Variants in ATP9A observed in about 807,000 individuals in gnomAD.
ATP9A encodes the protein ATPase phospholipid transporting 9A.
In ATP9A, 52 loss-of-function variants were observed where a neutral mutation model predicts 144.1. The ratio of observed to expected loss-of-function variants is 0.36; its 90% CI spans 0.29 to 0.45. The LOEUF (loss-of-function observed/expected upper bound fraction) is 0.45, where lower values mean the gene tolerates loss of function less well. Among genes scored for constraint, ATP9A ranks in the 20% least tolerant of loss-of-function variants. The pLI, the probability that ATP9A is intolerant of heterozygous loss-of-function variation, is 1.00. For missense variants in ATP9A, 947 were observed against 1,392.7 expected (o/e 0.68, Z 5.09); for synonymous variants, 582 against 557.4 (o/e 1.04, Z -0.62).
At chr20:51,668,111 T>G (rs1432925237) in intron 13 of ATP9A, among the ~76,000 whole-genome samples, 9 of 1,344 alleles carry the variant, frequency 6.7e-3, no homozygotes, top group Admixed American at 0.013. Context: ...GCGGAAGGGC[T>G]GGGAGTGGGC....
At chr20:51,628,123 G>A (rs544389759) in intron 16 of ATP9A, among the ~76,000 whole-genome samples, 3 of 152,258 alleles carry the variant, frequency 2.0e-5, no homozygotes, top group East Asian at 1.9e-4. Context: ...CGTTTTACAC[G>A]CAAAGTGCAA....
In ATP9A at chr20:51,658,332, T is replaced by C. The variant is rs575631662; in HGVS notation, c.1294-1182A>G. Among the ~76,000 whole-genome samples the C allele has an allele frequency of 2.6e-5, 4 of 152,106 alleles. No individual in the cohort carries two copies. The East Asian group carries it at 7.8e-4, about 30-fold the overall frequency. On this transcript the variant is annotated intron_variant, in intron 13 of 27. Coordinates refer to ENST00000338821, the MANE Select transcript of ATP9A (RefSeq NM_006045.3). ...AAATTAGCTGGGTGTGGTGGCACTG[T>C]AATCCCAGCTACTCGGGAGGCTGAG... is the stretch of plus-strand genomic sequence containing the variant.
At chr20:51,724,121 A>T (rs1161684876) in intron 3 of ATP9A, among the ~76,000 whole-genome samples, 1 of 152,058 alleles carries the variant, frequency 6.6e-6, no homozygotes, top group East Asian at 1.9e-4. Context: ...TGGTGAGCTG[A>T]AATTGCGCCA....
rs545524552 is a variant in ATP9A, at chr20:51,610,558, G to C, written c.2572-393C>G. Reference sequence around the variant, plus strand: ...TGTACATGAGCACAGCTGATCTCCAGAGCAGCCCACAGGATCAAGCCCTAC... The same window carrying C: ...TGTACATGAGCACAGCTGATCTCCACAGCAGCCCACAGGATCAAGCCCTAC... On this transcript the variant is annotated intron_variant, in intron 23 of 27. Transcript: ENST00000338821. 5.3e-5 allele frequency among the ~76,000 whole-genome samples: 8 copies of C among 152,260 alleles called. No individual in the cohort carries two copies. The East Asian group carries it at 1.5e-3, about 29-fold the overall frequency.
At chr20:51,745,440 G>GA (rs2077804072) in intron 1 of ATP9A, among the ~76,000 whole-genome samples, 1 of 150,282 alleles carries the variant, frequency 6.7e-6, no homozygotes, top group Non-Finnish European at 1.5e-5. Flanking sequence ...AAAAAAAAAG[G>GA]AAAAAAATTA....
chr20:51,737,592 T>C (rs1379616255), intron 1 of ATP9A, among the ~76,000 whole-genome samples: 1 of 152,172 alleles, frequency 6.6e-6, no homozygotes, highest in Admixed American at 6.5e-5. Flanking sequence ...CTACTCACAG[T>C]ATTATTGCTG....
At chr20:51,689,751 T>C (rs1282205628) in intron 8 of ATP9A, among the ~76,000 whole-genome samples, 2 of 151,666 alleles carry the variant, frequency 1.3e-5, no homozygotes, top group African/African-American at 4.8e-5. Context: ...CAAATTAAAT[T>C]TCTCTTCTGA....
chr20:51,618,978 C>G lies in ATP9A; in HGVS notation c.2181G>C (p.Leu727=). 6.2e-7 allele frequency: 1 copy of G among 1,614,170 alleles called. No individual in the cohort carries two copies. Among genetic ancestry groups the G allele is most frequent in the Non-Finnish European group, 8.5e-7 (1 of 1,180,026 alleles). ...NAFRRKHDCA[L]VISGDSLEVC... The stretch of plus-strand genomic sequence containing the variant: ...CCTCCAGGGAGTCTCCCGAGATGAC[C>G]AGGGCACAATCATGCTTCCTGCGGA... Residue 727 remains leucine, a synonymous_variant, in exon 20 of 28, where the codon CTG becomes CTC. Transcript: ENST00000338821.
intron 23 of ATP9A, among the ~76,000 whole-genome samples, chr20:51,612,854 A>C (rs1346077508): frequency 6.6e-6 from 1 of 152,222 alleles, no homozygotes; most frequent in Non-Finnish European, 1.5e-5. Context: ...CATAATAATT[A>C]AACTCAGTTC....
Position 51,638,109 on chromosome 20 carries a change from A to ATATATC in ATP9A, c.1668+1233_1668+1234insGATATA, listed in dbSNP as rs1568797109. ...TATATATATATATATATATATATAT[A>ATATATC]TATATATATATATATCTCATAGTTC... On this transcript the variant is annotated intron_variant, in intron 15 of 27. Coordinates refer to ENST00000338821, the MANE Select transcript of ATP9A (RefSeq NM_006045.3). 1.4e-4 allele frequency among the ~76,000 whole-genome samples: 12 copies of ATATATC among 84,320 alleles called. 1 individual carries two copies. Among genetic ancestry groups the ATATATC allele is most frequent in the Middle Eastern group, 0.012 (2 of 168 alleles). The allele number at this position is 84,320 out of a possible 152,430, so 55.3% of individuals were successfully genotyped here. A position where few individuals can be genotyped will look rare whatever the true frequency, so the allele number is the denominator to read the frequency against.
intron 9 of ATP9A, among the ~76,000 whole-genome samples, chr20:51,681,004 G>T (rs2077497647): frequency 6.6e-6 from 1 of 152,072 alleles, no homozygotes; most frequent in South Asian, 2.1e-4. Flanking sequence ...AAGTGAAAAT[G>T]TATCTTTAAC....
intron 13 of ATP9A, among the ~76,000 whole-genome samples, chr20:51,662,594 A>AC (rs1555834247): frequency 2.7e-5 from 4 of 146,774 alleles, no homozygotes; most frequent in African/African-American, 1.0e-4. Context: ...TGCTTTATTT[A>AC]TTTTTTTTTT....
At chr20:51,768,112 A>G (rs944917055) in intron 1 of ATP9A, among the ~76,000 whole-genome samples, 190 bp downstream of exon 1, 9 of 152,002 alleles carry the variant, frequency 5.9e-5, no homozygotes, top group Non-Finnish European at 1.2e-4. Context: ...AAGGGCCGGC[A>G]TCAGGCTAGG....
At chr20:51,728,504 T>C (rs1323497521) in intron 2 of ATP9A, among the ~76,000 whole-genome samples, 1 of 151,828 alleles carries the variant, frequency 6.6e-6, no homozygotes, top group African/African-American at 2.4e-5. Flanking sequence ...GGCGGGTGCC[T>C]GTGATCCTAG....
intron 26 of ATP9A, among the ~76,000 whole-genome samples, chr20:51,606,826 C>T (rs919191235): frequency 2.6e-5 from 4 of 152,024 alleles, no homozygotes; most frequent in South Asian, 4.2e-4. Flanking sequence ...TACGGCGAGC[C>T]GTGATTGCTC....
chr20:51,745,622 C>T (rs923491743), intron 1 of ATP9A, among the ~76,000 whole-genome samples: 12 of 152,050 alleles, frequency 7.9e-5, no homozygotes, highest in African/African-American at 2.9e-4. Context: ...GCTAAACATC[C>T]TACAATGCCC....
Position 51,739,066 on chromosome 20 carries a change from G to T in ATP9A, c.69-9088C>A, listed in dbSNP as rs62226752. 9.7e-3 allele frequency among the ~76,000 whole-genome samples: 1,484 copies of T among 152,248 alleles called. 10 individuals carry two copies. The highest frequency in any genetic ancestry group is 0.019 in the Admixed American group (286 of 15,290). On this transcript the variant is annotated intron_variant, in intron 1 of 27. Coordinates refer to ENST00000338821, the MANE Select transcript of ATP9A (RefSeq NM_006045.3). Reference sequence around the variant, plus strand: ...ATCACACCACTGTACTCCACCCTGGGTGACAGAGCAACACTCTGGAGGGAC... The same window carrying T: ...ATCACACCACTGTACTCCACCCTGGTTGACAGAGCAACACTCTGGAGGGAC...
At position 51,598,833 on chromosome 20, in the gene ATP9A, G is replaced by A. The variant is rs1284226976; in HGVS notation, c.*2378C>T. On this transcript the variant is annotated 3_prime_UTR_variant, in exon 28 of 28. Transcript: ENST00000338821. The stretch of plus-strand genomic sequence containing the variant: ...CAGCCAGCTGCCCACTGATGGGATG[G>A]GCCAACGACGTGGCAGTTTGCACTT... 1 of 152,318 alleles carries A rather than the reference G, an allele frequency of 6.6e-6. No individual in the cohort carries two copies. Among genetic ancestry groups the A allele is most frequent in the African/African-American group, 2.4e-5 (1 of 41,460 alleles). The allele number at this position is 152,318 out of a possible 1,614,324, so 9.4% of individuals were successfully genotyped here. A position where few individuals can be genotyped will look rare whatever the true frequency, so the allele number is the denominator to read the frequency against.
intron 17 of ATP9A, 126 bp downstream of exon 17, chr20:51,627,474 A>C: frequency 1.2e-6 from 1 of 866,094 alleles, no homozygotes; most frequent in Non-Finnish European, 1.9e-6. Context: ...GGCCTTCAAC[A>C]ACAGTGAACC....
Sources: allele counts gnomAD v4.1 joint callset (sites outside exome capture counted in the v4.1 genomes callset), GRCh38; gene constraint gnomAD v4.1.1; transcripts MANE v1.5; gene names NCBI Gene and HGNC (gene_info 2026-07-23, HGNC 2026-07-21).